Variants in MTUS2 observed in about 807,000 individuals in gnomAD.
MTUS2 encodes microtubule associated scaffold protein 2.
Under a neutral mutation model 114.1 loss-of-function variants are expected in MTUS2, and 40 were observed. That is an observed-to-expected ratio of 0.35 (90% CI 0.27 to 0.46). MTUS2 has a LOEUF of 0.46. Among genes scored for constraint, MTUS2 ranks in the 20% least tolerant of loss-of-function variants. The pLI, the probability that MTUS2 is intolerant of heterozygous loss-of-function variation, is 1.00. For synonymous variants in MTUS2, 688 were observed against 672.0 expected (o/e 1.02, Z -0.37); for missense variants, 1,679 against 1,705.4 (o/e 0.98, Z 0.27).
chr13:29,432,033 G>A (rs1386911023), intron 8 of MTUS2, among the ~76,000 whole-genome samples: 1 of 58,896 alleles, frequency 1.7e-5, no homozygotes, highest in African/African-American at 7.7e-5. Flanking sequence ...TTTTTTTTTT[G>A]GCAGAGCTGG....
At chr13:29,159,848 G>A (rs1019356852) in intron 5 of MTUS2, among the ~76,000 whole-genome samples, 2 of 152,318 alleles carry the variant, frequency 1.3e-5, no homozygotes, top group Middle Eastern at 3.4e-3. Flanking sequence ...ATCACCAAAC[G>A]CAGGTGAGAA....
rs138764052 is a variant in MTUS2, at chr13:29,253,008, C to T, written c.2645-28696C>T. ...GGAGAACATTCTTCCAGTGGGTAAC[C>T]TAGAAAGAGAATTGGATGTTTATAC... is the stretch of plus-strand genomic sequence containing the variant. On this transcript the variant is annotated intron_variant, in intron 5 of 15. Transcript: ENST00000612955. Among the ~76,000 whole-genome samples, 353 of 151,864 alleles carry T rather than the reference C, an allele frequency of 2.3e-3. 1 individual carries two copies. The highest frequency in any genetic ancestry group is 8.1e-3 in the African/African-American group (336 of 41,430).
At chr13:29,434,989 A>C (rs1231619411) in intron 8 of MTUS2, among the ~76,000 whole-genome samples, 1 of 152,234 alleles carries the variant, frequency 6.6e-6, no homozygotes, top group African/African-American at 2.4e-5. Context: ...GTTTAAGGCA[A>C]GATGTACAGG....
chr13:29,033,385 A>G (rs2138518595), intron 3 of MTUS2, among the ~76,000 whole-genome samples: 1 of 152,210 alleles, frequency 6.6e-6, no homozygotes, highest in Admixed American at 6.5e-5. Context: ...TTCCTCCTTT[A>G]TTAACAATGC....
At chr13:29,257,878 C>T (rs1260660770) in intron 5 of MTUS2, among the ~76,000 whole-genome samples, 2 of 152,190 alleles carry the variant, frequency 1.3e-5, no homozygotes, top group East Asian at 1.9e-4. Flanking sequence ...AGGCAGATGG[C>T]TCCAGGGGGC....
Position 29,389,539 on chromosome 13 carries a change from G to A in MTUS2, c.3117+30066G>A, listed in dbSNP as rs1200798251. On this transcript the variant is annotated intron_variant, in intron 8 of 15. Transcript: ENST00000612955. The stretch of plus-strand genomic sequence containing the variant: ...TGTATGTGTATATATGTATACACGT[G>A]TGTATATGTATACACGTGTGTATAT... 9.1e-5 allele frequency among the ~76,000 whole-genome samples: 7 copies of A among 77,324 alleles called. 1 individual carries two copies. The East Asian group carries it at 1.5e-3, about 16-fold the overall frequency. 50.7% of individuals were successfully genotyped at this position (77,324 alleles called of 152,430 possible). A position where few individuals can be genotyped will look rare whatever the true frequency, so the allele number is the denominator to read the frequency against.
At chr13:29,344,890 A>G (rs1490399547) in intron 7 of MTUS2, among the ~76,000 whole-genome samples, 3 of 152,172 alleles carry the variant, frequency 2.0e-5, no homozygotes, top group African/African-American at 7.2e-5. Flanking sequence ...GTTTGTATGA[A>G]AAAATTCTGT....
chr13:29,168,888 C>G (rs77219283), intron 5 of MTUS2, among the ~76,000 whole-genome samples: 3 of 138,382 alleles, frequency 2.2e-5, no homozygotes, highest in East Asian at 2.1e-4. Context: ...CTTTATGAAT[C>G]TGTGTGTGTG....
chr13:29,195,686 G>T (rs1196216094), intron 5 of MTUS2, among the ~76,000 whole-genome samples: 1 of 152,136 alleles, frequency 6.6e-6, no homozygotes, highest in Non-Finnish European at 1.5e-5. Context: ...GCCCCACCCA[G>T]CCTGGGCCAG....
chr13:29,069,219 A>G (rs1390545185), intron 4 of MTUS2, among the ~76,000 whole-genome samples: 1 of 152,336 alleles, frequency 6.6e-6, no homozygotes, highest in South Asian at 2.1e-4. Flanking sequence ...GAGAAGTCCC[A>G]TGATCTGCTG....
At chr13:29,260,880 A>G (rs1337195100) in intron 5 of MTUS2, among the ~76,000 whole-genome samples, 1 of 152,178 alleles carries the variant, frequency 6.6e-6, no homozygotes, top group African/African-American at 2.4e-5. Context: ...ACTGGCATCT[A>G]GTGGGTAGAG....
At chr13:29,397,340 A>G (rs1314422714) in intron 8 of MTUS2, among the ~76,000 whole-genome samples, 1 of 152,036 alleles carries the variant, frequency 6.6e-6, no homozygotes, top group Admixed American at 6.5e-5. Context: ...TCCCTCTTCA[A>G]TGCTTCAATG....
chr13:28,900,235 A>C (rs1037305910), intron 2 of MTUS2, among the ~76,000 whole-genome samples: 24 of 152,288 alleles, frequency 1.6e-4, no homozygotes, highest in African/African-American at 5.8e-4. Flanking sequence ...AACGATTACA[A>C]TATTGGCATT....
chr13:28,970,550 G>A (rs968403964), intron 2 of MTUS2, among the ~76,000 whole-genome samples: 1 of 152,332 alleles, frequency 6.6e-6, no homozygotes, highest in Non-Finnish European at 1.5e-5. Context: ...ATGGCTGTTC[G>A]TAGAAAAAGT....
intron 9 of MTUS2, chr13:29,476,482 T>C (rs749794998): frequency 1.3e-5 from 2 of 152,202 alleles, no homozygotes; most frequent in African/African-American, 2.4e-5. Context: ...ATATATTCCA[T>C]GTTATGTTAG....
chr13:29,129,837 CTCTT>C (rs1193551339), intron 5 of MTUS2, among the ~76,000 whole-genome samples: 1 of 152,110 alleles, frequency 6.6e-6, no homozygotes, highest in African/African-American at 2.4e-5. Context: ...AAAATAGTCT[CTCTT>C]CAAAAAAGAA....
intron 8 of MTUS2, among the ~76,000 whole-genome samples, chr13:29,382,534 T>C (rs1002390089): frequency 6.6e-6 from 1 of 151,938 alleles, no homozygotes; most frequent in African/African-American, 2.4e-5. Flanking sequence ...CCCAAAAGAG[T>C]GGAATCCACA....
At chr13:29,236,944 C>A (rs536894383) in intron 5 of MTUS2, among the ~76,000 whole-genome samples, 1 of 152,164 alleles carries the variant, frequency 6.6e-6, no homozygotes, top group African/African-American at 2.4e-5. Flanking sequence ...AGGAGAAAGA[C>A]AGGAAAATAA....
chr13:29,269,677 A>C (rs9508328), intron 5 of MTUS2, among the ~76,000 whole-genome samples: 1 of 151,928 alleles, frequency 6.6e-6, no homozygotes, highest in African/African-American at 2.4e-5. Context: ...TAACACTAGA[A>C]CTACCATATG....
Sources: gnomAD v4.1 joint callset for allele counts (sites outside exome capture counted in the v4.1 genomes callset) on GRCh38, gnomAD v4.1.1 for gene constraint, MANE v1.5 for transcripts, NCBI Gene and HGNC (gene_info 2026-07-23, HGNC 2026-07-21) for gene names.